Variants in PANK1 observed in about 807,000 individuals in gnomAD.
The protein encoded by PANK1 is pantothenic acid kinase 1.
PANK1 carries 18 observed loss-of-function variants against 40.1 expected under a neutral mutation model. The ratio of observed to expected loss-of-function variants is 0.45; its 90% CI spans 0.31 to 0.67. The LOEUF (loss-of-function observed/expected upper bound fraction) is 0.67, where lower values mean the gene tolerates loss of function less well. Among genes scored for constraint, PANK1 ranks in the 30% least tolerant of loss-of-function variants. PANK1 has a pLI of 0.06. For synonymous variants in PANK1, 242 were observed against 237.7 expected, an observed-to-expected ratio of 1.02 and a Z score of -0.17; for missense variants, 457 against 599.6, an observed-to-expected ratio of 0.76 and a Z score of 2.48.
At chr10:89,584,837 G>A (rs1844148000) in intron 6 of PANK1, among the ~76,000 whole-genome samples, 1 of 152,112 alleles carries the variant, frequency 6.6e-6, no homozygotes, top group Non-Finnish European at 1.5e-5. Context: ...TTGTACCAGG[G>A]CTCAATACCA....
chr10:89,605,502 GC>G (rs1371055171), intron 2 of PANK1, among the ~76,000 whole-genome samples: 1 of 152,122 alleles, frequency 6.6e-6, no homozygotes, highest in Non-Finnish European at 1.5e-5. Context: ...CATTTTCTTT[GC>G]CCATCCATAA....
Position 89,644,816 on chromosome 10 carries a change from C to G in PANK1, c.76G>C (p.Ala26Pro), listed in dbSNP as rs1425952944. The G allele has an allele frequency of 6.9e-7, 1 of 1,455,862 alleles. No homozygotes were observed. Among genetic ancestry groups the G allele is most frequent in the Non-Finnish European group, 9.0e-7 (1 of 1,112,982 alleles). 90.2% of individuals were successfully genotyped at this position (1,455,862 alleles called of 1,614,324 possible). ...CCGTTGTGCAGCAGCCCGTTCACAG[C>G]GGCGGCGCTGGTGCCCACGGGGGCC... ...PGAPVGTSAA[A>P]VNGLLHNGFH... Residue 26 changes from alanine (A) to proline (P), a missense_variant, in exon 1 of 7, where the codon GCT becomes CCT. Transcript: ENST00000307534.
At chr10:89,589,143 G>A (rs1337334353) in intron 5 of PANK1, among the ~76,000 whole-genome samples, 2 of 151,972 alleles carry the variant, frequency 1.3e-5, no homozygotes, top group East Asian at 1.9e-4. Flanking sequence ...CAACTTCTAG[G>A]TATAAAATAC....
intron 4 of PANK1, 133 bp downstream of exon 4, chr10:89,593,680 A>T: frequency 2.8e-6 from 2 of 713,276 alleles, no homozygotes; most frequent in East Asian, 2.5e-5. Context: ...CAGGAGATCA[A>T]GTCTGAGCTC....
downstream of PANK1, chr10:89,582,239 T>C (rs1162993252): frequency 6.6e-6 from 1 of 152,188 alleles, no homozygotes. Flanking sequence ...TCTTACTTCA[T>C]ATTGCACAAG....
intron 2 of PANK1, among the ~76,000 whole-genome samples, chr10:89,605,682 A>G (rs1315677039): frequency 1.3e-5 from 2 of 152,184 alleles, no homozygotes; most frequent in Non-Finnish European, 2.9e-5. Context: ...CACTTCTTCC[A>G]AACTCCTCCT....
chr10:89,644,769 C>T lies in PANK1; in HGVS notation c.123G>A (p.Gln41=), dbSNP rs1564643113. ...LHNGFHPPPV[Q]PPHVCSRGPV... ...GACCCCGGCTGCAGACGTGCGGCGG[C>T]TGGACTGGCGGCGGATGGAAGCCGT... Residue 41 remains glutamine, a synonymous_variant, in exon 1 of 7, where the codon CAG becomes CAA. Coordinates refer to ENST00000307534, the MANE Select transcript of PANK1 (RefSeq NM_148977.3). 1 of 1,504,666 alleles carries T rather than the reference C, an allele frequency of 6.6e-7. No homozygotes were observed. Among genetic ancestry groups the T allele is most frequent in the Non-Finnish European group, 8.8e-7 (1 of 1,133,852 alleles). The allele number at this position is 1,504,666 out of a possible 1,614,324, so 93.2% of individuals were successfully genotyped here.
chr10:89,587,341 T>G (rs956869675), intron 6 of PANK1, among the ~76,000 whole-genome samples: 1 of 152,186 alleles, frequency 6.6e-6, no homozygotes, highest in East Asian at 1.9e-4. Context: ...TTGATTGTAA[T>G]GTAATAATCT....
rs116863399 is a variant in PANK1 at position 89,629,187 on chromosome 10, G to A, written c.292+15413C>T. Among the ~76,000 whole-genome samples, 104 of 152,318 alleles carry A rather than the reference G, an allele frequency of 6.8e-4. 2 individuals are homozygous for A. The East Asian group carries it at 0.018, about 26-fold the overall frequency. On this transcript the variant is annotated intron_variant, in intron 1 of 6. Transcript: ENST00000307534. Reference sequence around the variant, plus strand: ...AAGTGTAAGATGCATGAGCACCTCTGACTTTATCTACTTCCCAACACTGAT... The same window carrying A: ...AAGTGTAAGATGCATGAGCACCTCTAACTTTATCTACTTCCCAACACTGAT...
At chr10:89,609,070 C>T (rs1222666364) in intron 2 of PANK1, among the ~76,000 whole-genome samples, 1 of 152,112 alleles carries the variant, frequency 6.6e-6, no homozygotes, top group Non-Finnish European at 1.5e-5. Context: ...ATTCCATATT[C>T]ACTTTCTTTT....
intron 2 of PANK1, among the ~76,000 whole-genome samples, chr10:89,603,351 T>TGG (rs969573869): frequency 1.4e-4 from 21 of 152,280 alleles, no homozygotes; most frequent in African/African-American, 4.8e-4. Flanking sequence ...TTAGCACTTT[T>TGG]GGAGAGTATC....
At chr10:89,596,943 G>A (rs1392831734) in intron 3 of PANK1, among the ~76,000 whole-genome samples, 1 of 152,132 alleles carries the variant, frequency 6.6e-6, no homozygotes, top group African/African-American at 2.4e-5. Flanking sequence ...TATAATTCGA[G>A]TTGTGTCACT....
chr10:89,606,963 G>A (rs2133955222), intron 2 of PANK1, among the ~76,000 whole-genome samples: 1 of 152,350 alleles, frequency 6.6e-6, no homozygotes, highest in African/African-American at 2.4e-5. Context: ...ATGACTAAAA[G>A]TCTGTATCAG....
chr10:89,621,564 G>A (rs189118061), intron 1 of PANK1, among the ~76,000 whole-genome samples: 29 of 152,114 alleles, frequency 1.9e-4, no homozygotes, highest in African/African-American at 7.0e-4. Context: ...AGTCACAATA[G>A]GTATCTGAGC....
chr10:89,592,197 C>T (rs1844414091), intron 5 of PANK1, among the ~76,000 whole-genome samples: 2 of 152,166 alleles, frequency 1.3e-5, no homozygotes, highest in African/African-American at 2.4e-5. Context: ...CGCTGATCTG[C>T]AGGCCAGTAA....
chr10:89,627,784 T>C (rs1003453951), intron 1 of PANK1, among the ~76,000 whole-genome samples: 2 of 152,176 alleles, frequency 1.3e-5, no homozygotes, highest in African/African-American at 4.8e-5. Context: ...ATAGTAACTA[T>C]CACAAAGTCA....
intron 1 of PANK1, among the ~76,000 whole-genome samples, chr10:89,614,358 G>T (rs189460843): frequency 5.9e-5 from 9 of 152,196 alleles, no homozygotes; most frequent in African/African-American, 2.2e-4. Flanking sequence ...GCATAAGAAT[G>T]TTCACCGCAG....
At chr10:89,625,479 T>C (rs1845634157) in intron 1 of PANK1, among the ~76,000 whole-genome samples, 1 of 152,168 alleles carries the variant, frequency 6.6e-6, no homozygotes. Context: ...TTAGAAACAT[T>C]CCACATATAA....
chr10:89,643,685 T>G (rs1455627049), intron 1 of PANK1: 2 of 1,600,306 alleles, frequency 1.2e-6, no homozygotes, highest in Admixed American at 1.7e-5. Context: ...TATTAGCATT[T>G]ACTGTACTTA....
Sources: allele counts gnomAD v4.1 joint callset (sites outside exome capture counted in the v4.1 genomes callset), GRCh38; gene constraint gnomAD v4.1.1; transcripts MANE v1.5; gene names NCBI Gene and HGNC (gene_info 2026-07-23, HGNC 2026-07-21).